Variants in ZNF701 observed in about 807,000 individuals in gnomAD.
ZNF701 encodes the protein zinc finger protein 701.
Under a neutral mutation model 7.1 loss-of-function variants are expected in ZNF701, and 6 were observed. The observed-to-expected ratio is 0.84, with a 90% CI of 0.46 to 1.66. The LOEUF is 1.66. Ranked by LOEUF, ZNF701 falls within the 40% of genes most tolerant of loss-of-function variation. The probability of loss-of-function intolerance (pLI) is 0.01; values close to 1 mark genes in which losing one functional copy is unlikely to be tolerated. For synonymous variants in ZNF701, 166 were observed against 188.2 expected (o/e 0.88, Z 0.97); for missense variants, 541 against 559.2 (o/e 0.97, Z 0.33).
intron 3 of ZNF701, among the ~76,000 whole-genome samples, chr19:52,579,475 G>C (rs1365596230): frequency 7.9e-6 from 1 of 126,576 alleles, no homozygotes; most frequent in Non-Finnish European, 1.5e-5. Context: ...ATCCGAGATT[G>C]TGCCATTGCA....
chr19:52,594,665 C>T, the ZNF701 span, among the ~76,000 whole-genome samples: 1 of 152,040 alleles, frequency 6.6e-6, no homozygotes, highest in Non-Finnish European at 1.5e-5. Context: ...AGGCATGTGC[C>T]ACCAAGCCCG....
chr19:52,590,906 C>T (rs1464145821), downstream of ZNF701, among the ~76,000 whole-genome samples: 2 of 152,186 alleles, frequency 1.3e-5, no homozygotes, highest in East Asian at 1.9e-4. Flanking sequence ...GTGGCGCCAT[C>T]TAGGCTCACT....
chr19:52,579,392 G>A (rs990110189), intron 3 of ZNF701, among the ~76,000 whole-genome samples: 5 of 140,624 alleles, frequency 3.6e-5, no homozygotes, highest in Non-Finnish European at 7.4e-5. Context: ...GTGTGGTGGC[G>A]GGCACTTGTA....
chr19:52,591,974 C>T, downstream of ZNF701: 1 of 499,922 alleles, frequency 2.0e-6, no homozygotes, highest in Non-Finnish European at 3.6e-6. Context: ...TTCAAAAATA[C>T]CTTAATGCGG....
the ZNF701 span, among the ~76,000 whole-genome samples, chr19:52,593,653 C>T: frequency 1.7e-4 from 19 of 110,996 alleles, 7 homozygotes; most frequent in East Asian, 4.6e-4. Context: ...GGGCGGCTGC[C>T]GGGCGGAGGG....
chr19:52,574,757 C>CA (rs1568500929), intron 2 of ZNF701, among the ~76,000 whole-genome samples: 2 of 152,004 alleles, frequency 1.3e-5, no homozygotes, highest in Admixed American at 1.3e-4. Flanking sequence ...TAAATAATAG[C>CA]AGGAGATTTA....
rs749660360 is a variant in ZNF701, at chr19:52,583,058, A to G, written c.999A>G (p.Lys333=). Residue 333 remains lysine, a synonymous_variant, in exon 4 of 4, where the codon AAA becomes AAG. Transcript: ENST00000391785. ...CTTACAAATGTGAAGAATGTGACAAAGTTTTCAGTCGCAAATCACACCTTG... is the reference window on the plus strand; with the variant it reads ...CTTACAAATGTGAAGAATGTGACAAGGTTTTCAGTCGCAAATCACACCTTG... The part of the protein sequence containing the change: ...EKPYKCEECD[K]VFSRKSHLER... The G allele has an allele frequency of 1.9e-6, 3 of 1,612,588 alleles. No individual in the cohort carries two copies. The highest frequency in any genetic ancestry group is 1.3e-5 in the African/African-American group (1 of 74,558).
intron 3 of ZNF701, 99 bp downstream of exon 3, chr19:52,576,120 T>G (rs1600073561): frequency 1.3e-6 from 2 of 1,595,704 alleles, no homozygotes; most frequent in Non-Finnish European, 1.7e-6. Context: ...TTGGCTAAAA[T>G]GGAAGCCGTA....
intron 3 of ZNF701, among the ~76,000 whole-genome samples, chr19:52,581,333 C>T (rs896861566): frequency 3.3e-5 from 5 of 152,078 alleles, no homozygotes; most frequent in Non-Finnish European, 7.4e-5. Context: ...AATTCTCCTT[C>T]CTTAGCCTCC....
the ZNF701 span, chr19:52,597,120 C>A: frequency 1.1e-6 from 1 of 906,046 alleles, no homozygotes; most frequent in Non-Finnish European, 1.7e-6. Flanking sequence ...AATTTTCAGA[C>A]ATCGATCATA....
rs1316728152 is a variant in ZNF701 at position 52,582,450 on chromosome 19, G to T, written c.391G>T (p.Ala131Ser). 2 of 1,614,042 alleles carry T rather than the reference G, an allele frequency of 1.2e-6. No homozygotes were observed. Among genetic ancestry groups the T allele is most frequent in the South Asian group, 1.1e-5 (1 of 91,090 alleles). The change falls in exon 4 of 4, where the codon GCT becomes TCT. Residue 131 changes from alanine (A) to serine (S), a missense_variant. Ala to Ser is a moderately conservative substitution (Grantham distance 99). Transcript: ENST00000391785. ...TACAGAGCGACATGATCAAAGGCATGCTGGAAACAAACCTATTAAAAATGA... is the reference window on the plus strand; with the variant it reads ...TACAGAGCGACATGATCAAAGGCATTCTGGAAACAAACCTATTAAAAATGA... Reference protein sequence around the residue: ...SSTERHDQRHAGNKPIKNELG... With the variant: ...SSTERHDQRHSGNKPIKNELG...
At chr19:52,593,439 C>G in the ZNF701 span, among the ~76,000 whole-genome samples, 3 of 107,224 alleles carry the variant, frequency 2.8e-5, 1 homozygote, top group Non-Finnish European at 6.0e-5. Context: ...CCGGAGGGAG[C>G]GGCTGGCCGG....
the ZNF701 span, chr19:52,594,065 CG>C: frequency 2.3e-5 from 3 of 128,874 alleles, no homozygotes; most frequent in African/African-American, 9.7e-5. Flanking sequence ...TCTGCAATCC[CG>C]GCACCTTGGG....
chr19:52,578,253 CAAAAAA>C (rs58385761), intron 3 of ZNF701, among the ~76,000 whole-genome samples: 1 of 40,924 alleles, frequency 2.4e-5, no homozygotes, highest in Non-Finnish European at 4.7e-5. Context: ...GACTCCGTCT[CAAAAAA>C]AAAAAAAAAA....
chr19:52,592,660 G>T, the ZNF701 span, among the ~76,000 whole-genome samples: 89 of 152,190 alleles, frequency 5.8e-4, no homozygotes, highest in Non-Finnish European at 2.2e-4. Context: ...CGTGATCTCA[G>T]CTCATTGCAA....
At chr19:52,572,391 A>G (rs1460935452) in intron 1 of ZNF701, 3 of 1,287,990 alleles carry the variant, frequency 2.3e-6, no homozygotes, top group African/African-American at 3.0e-5. Context: ...GTCTTTGTAC[A>G]TCTGCATTTT....
At chr19:52,575,009 G>C (rs561683227) in intron 2 of ZNF701, among the ~76,000 whole-genome samples, 29 of 152,158 alleles carry the variant, frequency 1.9e-4, no homozygotes, top group African/African-American at 6.7e-4. Flanking sequence ...TCGCTCTGTT[G>C]CCCAGGCTGT....
Position 52,570,343 on chromosome 19 carries a change from CTG to C in ZNF701, c.-72+17_-72+18del, listed in dbSNP as rs1482946334. 3 of 153,774 alleles carry C rather than the reference CTG, an allele frequency of 2.0e-5. No individual in the cohort carries two copies. The highest frequency in any genetic ancestry group is 4.4e-5 in the Non-Finnish European group (3 of 68,912). 9.5% of individuals were successfully genotyped at this position (153,774 alleles called of 1,614,324 possible). A position where few individuals can be genotyped will look rare whatever the true frequency, so the allele number is the denominator to read the frequency against. ...TCGCACCGCGGCGGTGAGTTTTGCTCTGTGTTGTATTAAGTCTGCACTCCCCA... is the reference window on the plus strand; with the variant it reads ...TCGCACCGCGGCGGTGAGTTTTGCTCTGTTGTATTAAGTCTGCACTCCCCA... On this transcript the variant is annotated intron_variant, in intron 1 of 3. Transcript: ENST00000391785.
At chr19:52,581,326 TCTC>T (rs1336431042) in intron 3 of ZNF701, among the ~76,000 whole-genome samples, 1 of 151,928 alleles carries the variant, frequency 6.6e-6, no homozygotes, top group African/African-American at 2.4e-5. Flanking sequence ...TTCAAGCAAT[TCTC>T]CTTCCTTAGC....
Sources: gnomAD v4.1 joint callset for allele counts (sites outside exome capture counted in the v4.1 genomes callset) on GRCh38, gnomAD v4.1.1 for gene constraint, MANE v1.5 for transcripts, NCBI Gene and HGNC (gene_info 2026-07-23, HGNC 2026-07-21) for gene names.